NTM: variants seen among roughly 807,000 people sequenced by gnomAD.
NTM encodes the protein neurotrimin.
In NTM, 13 loss-of-function variants were observed where a neutral mutation model predicts 42.1. That is an observed-to-expected ratio of 0.31 (90% CI 0.20 to 0.49). The LOEUF is 0.49. NTM is among the 20% of genes least tolerant of loss of function. NTM has a pLI of 0.99. For synonymous variants in NTM, 187 were observed against 179.2 expected (o/e 1.04, Z -0.35); for missense variants, 373 against 452.8 (o/e 0.82, Z 1.60).
intron 1 of NTM, among the ~76,000 whole-genome samples, chr11:131,787,058 G>T (rs1382120034): frequency 6.6e-6 from 1 of 152,052 alleles, no homozygotes; most frequent in Non-Finnish European, 1.5e-5. Flanking sequence ...AAGACCAAAT[G>T]TTTGAAAATT....
intron 1 of NTM, among the ~76,000 whole-genome samples, chr11:131,380,540 C>T (rs1942544119): frequency 6.6e-6 from 1 of 152,056 alleles, no homozygotes; most frequent in African/African-American, 2.4e-5. Flanking sequence ...CTTATGCTTG[C>T]CTTGCACTTT....
chr11:131,815,251 G>A (rs894205806), intron 1 of NTM, among the ~76,000 whole-genome samples: 10 of 152,092 alleles, frequency 6.6e-5, no homozygotes, highest in Non-Finnish European at 7.4e-5. Flanking sequence ...GCTAACTACA[G>A]TTTTTGTGTC....
chr11:132,047,105 A>G (rs1229203938), intron 2 of NTM, among the ~76,000 whole-genome samples: 4 of 152,178 alleles, frequency 2.6e-5, no homozygotes, highest in African/African-American at 4.8e-5. Flanking sequence ...AGGTCTGTCT[A>G]TTTCCCAAGT....
intron 1 of NTM, among the ~76,000 whole-genome samples, chr11:131,899,373 T>C (rs140262441): frequency 6.6e-6 from 1 of 152,288 alleles, no homozygotes; most frequent in African/African-American, 2.4e-5. Flanking sequence ...TTTCATAGTA[T>C]TTTTAAAAAT....
At chr11:131,697,378 T>A (rs1207423542) in intron 1 of NTM, among the ~76,000 whole-genome samples, 1 of 152,246 alleles carries the variant, frequency 6.6e-6, no homozygotes, top group African/African-American at 2.4e-5. Context: ...ACTGTCTGAT[T>A]GTTTTACATA....
chr11:132,216,053 C>T (rs2083788603), intron 4 of NTM, among the ~76,000 whole-genome samples: 1 of 152,244 alleles, frequency 6.6e-6, no homozygotes, highest in African/African-American at 2.4e-5. Flanking sequence ...TGACTCTGTG[C>T]TTTGCCCTTT....
intron 1 of NTM, among the ~76,000 whole-genome samples, chr11:131,820,654 T>G (rs1290323300): frequency 6.6e-6 from 1 of 152,120 alleles, no homozygotes; most frequent in East Asian, 1.9e-4. Flanking sequence ...AGGCATCCAT[T>G]TACATTTCTA....
At chr11:131,887,939 T>G (rs973193802) in intron 1 of NTM, among the ~76,000 whole-genome samples, 3 of 152,190 alleles carry the variant, frequency 2.0e-5, no homozygotes, top group African/African-American at 7.2e-5. Flanking sequence ...CTTGCCACAT[T>G]AATCCCTTTA....
chr11:132,014,567 A>T (rs528287501), intron 2 of NTM, among the ~76,000 whole-genome samples: 1 of 152,068 alleles, frequency 6.6e-6, no homozygotes, highest in African/African-American at 2.4e-5. Context: ...CTTTTTGATA[A>T]TAACCATTCT....
chr11:131,389,024 A>AAAAAAAAAAAAAAAAGAAAAGAAAAG (rs774146196), intron 1 of NTM, among the ~76,000 whole-genome samples: 29 of 89,896 alleles, frequency 3.2e-4, no homozygotes, highest in Non-Finnish European at 4.9e-4. Flanking sequence ...AAAAAAAAAA[A>AAAAAAAAAAAAAAAAGAAAAGAAAAG]AAAAGAAAAG....
intron 3 of NTM, among the ~76,000 whole-genome samples, chr11:132,182,914 T>G (rs556266360): frequency 4.5e-4 from 69 of 152,318 alleles, no homozygotes; most frequent in African/African-American, 1.6e-3. Context: ...TCACATATGC[T>G]TTCTGCTTCC....
rs144727766 is a variant in NTM at position 132,099,726 on chromosome 11, A to G, written c.168-46556A>G. On this transcript the variant is annotated intron_variant, in intron 2 of 8. Transcript: ENST00000683400. ...AAACAGGTCTTCTTGGGACCCTGCT[A>G]CTTTCCGGATAACAAGCCTGAGTAC... is the stretch of plus-strand genomic sequence containing the variant. Among the ~76,000 whole-genome samples, 223 of 152,290 alleles carry G rather than the reference A, an allele frequency of 1.5e-3. 1 individual carries two copies. Among genetic ancestry groups the G allele is most frequent in the African/African-American group, 5.2e-3 (215 of 41,566 alleles).
intron 1 of NTM, among the ~76,000 whole-genome samples, chr11:131,826,778 G>T (rs1335115024): frequency 6.6e-6 from 1 of 152,106 alleles, no homozygotes; most frequent in African/African-American, 2.4e-5. Context: ...GATGTATACT[G>T]GTCCCAAACT....
rs777453936 is a variant in NTM, at chr11:132,335,088, G to C, written c.1010G>C (p.Arg337Thr). Residue 337 changes from arginine (R) to threonine (T), a missense_variant, in exon 9 of 9, where the codon AGG (arginine) becomes ACG (threonine). Transcript: ENST00000683400. ...VSEVSNGTSRRAGCVWLLPLL... is the reference protein window; with the variant it reads ...VSEVSNGTSRTAGCVWLLPLL... ...GAGGTGAGCAACGGCACGTCGAGGA[G>C]GGCAGGCTGCGTCTGGCTGCTGCCT... 1.9e-6 allele frequency: 3 copies of C among 1,612,698 alleles called. No individual in the cohort carries two copies. The highest frequency in any genetic ancestry group is 2.5e-6 in the Non-Finnish European group (3 of 1,179,994).
intron 1 of NTM, among the ~76,000 whole-genome samples, chr11:131,838,282 G>C (rs2043777832): frequency 6.6e-6 from 1 of 152,098 alleles, no homozygotes; most frequent in Non-Finnish European, 1.5e-5. Flanking sequence ...TCCAGTCAAC[G>C]ATCCTGAAGG....
rs529621986 is a variant in NTM, at chr11:132,097,228, G to C, written c.168-49054G>C. On this transcript the variant is annotated intron_variant, in intron 2 of 8. Coordinates refer to ENST00000683400, the MANE Select transcript of NTM (RefSeq NM_001352005.2). The stretch of plus-strand genomic sequence containing the variant: ...TCTCTAGAGAGAGCACGCAAGTGTT[G>C]TGTGTGTGGTGGTCGTGTCATTGCT... Among the ~76,000 whole-genome samples the C allele has an allele frequency of 4.9e-4, 74 of 152,346 alleles. 2 individuals are homozygous for C. The highest frequency in any genetic ancestry group is 6.8e-3 in the Middle Eastern group (2 of 294).
At chr11:131,635,623 AATTT>A (rs1420662738) in intron 1 of NTM, among the ~76,000 whole-genome samples, 3 of 152,172 alleles carry the variant, frequency 2.0e-5, no homozygotes, top group Non-Finnish European at 4.4e-5. Flanking sequence ...AGCTAAAGTT[AATTT>A]ATTATTGAAT....
intron 1 of NTM, among the ~76,000 whole-genome samples, chr11:131,529,092 T>C (rs2050890197): frequency 6.6e-6 from 1 of 152,180 alleles, no homozygotes; most frequent in African/African-American, 2.4e-5. Flanking sequence ...TGGGCTATTG[T>C]TTTCCTCTTT....
intron 1 of NTM, among the ~76,000 whole-genome samples, chr11:131,803,761 C>T (rs2092317529): frequency 6.6e-6 from 1 of 152,212 alleles, no homozygotes; most frequent in South Asian, 2.1e-4. Flanking sequence ...TCCCCCGAAC[C>T]TGGCTGCCTG....
Sources: allele counts gnomAD v4.1 joint callset (sites outside exome capture counted in the v4.1 genomes callset), GRCh38; gene constraint gnomAD v4.1.1; transcripts MANE v1.5; gene names NCBI Gene and HGNC (gene_info 2026-07-23, HGNC 2026-07-21).